Variants in SPATA18 observed in about 807,000 individuals in gnomAD.
SPATA18 encodes the protein mitochondria-eating protein.
Under a neutral mutation model 68.1 loss-of-function variants are expected in SPATA18, and 54 were observed. That is an observed-to-expected ratio of 0.79 (90% confidence interval 0.64 to 0.99). The LOEUF is 0.99. Among genes scored for constraint, SPATA18 ranks in the 50% least tolerant of loss-of-function variants. The probability of loss-of-function intolerance (pLI) is 0.00; values close to 1 mark genes in which losing one functional copy is unlikely to be tolerated. For synonymous variants in SPATA18, 242 were observed against 244.8 expected (o/e 0.99, Z 0.11); for missense variants, 724 against 681.1 (o/e 1.06, Z -0.70).
intron 7 of SPATA18, 150 bp downstream of exon 7, chr4:52,077,190 T>C: frequency 1.2e-6 from 1 of 850,318 alleles, no homozygotes; most frequent in Non-Finnish European, 1.8e-6. Context: ...CTTCCTTCTC[T>C]TTCTTCCTCC....
intron 4 of SPATA18, among the ~76,000 whole-genome samples, chr4:52,063,154 T>TA (rs1195292483): frequency 2.2e-4 from 33 of 152,302 alleles, no homozygotes; most frequent in African/African-American, 7.5e-4. Context: ...AAATCTTTTT[T>TA]TAAAAAAAAT....
intron 4 of SPATA18, among the ~76,000 whole-genome samples, chr4:52,068,192 ATTTAC>A (rs953275166): frequency 8.5e-5 from 13 of 152,096 alleles, no homozygotes; most frequent in African/African-American, 3.1e-4. Flanking sequence ...ATTTTCACAT[ATTTAC>A]TTTTAAGAAC....
intron 7 of SPATA18, 95 bp from the exon 8 acceptor site, chr4:52,078,640 A>G: frequency 8.8e-7 from 1 of 1,135,156 alleles, no homozygotes; most frequent in Non-Finnish European, 1.2e-6. Flanking sequence ...GAAGACCAAT[A>G]TGATGTTGAA....
At position 52,079,824 on chromosome 4, in the gene SPATA18, C is replaced by T; in HGVS notation, c.1260C>T (p.Ile420=). The T allele has an allele frequency of 6.2e-7, 1 of 1,613,996 alleles. No individual in the cohort carries two copies. Among genetic ancestry groups the T allele is most frequent in the Non-Finnish European group, 8.5e-7 (1 of 1,179,926 alleles). Residue 420 remains isoleucine, a synonymous_variant, in exon 9 of 13, where the codon ATC becomes ATT. Coordinates refer to ENST00000295213, the MANE Select transcript of SPATA18 (RefSeq NM_145263.4). ...VVDFCLLSDF[I]QEICCIAFAM... ...ACTTTTGCCTTCTCAGTGACTTCAT[C>T]CAGGAGATATGTTGCATTGCCTTTG...
chr4:52,090,065 G>T (rs1210600557), intron 11 of SPATA18, among the ~76,000 whole-genome samples: 2 of 152,094 alleles, frequency 1.3e-5, no homozygotes, highest in African/African-American at 4.8e-5. Context: ...GATCTTTGTT[G>T]GTTTAAAGTC....
Position 52,069,919 on chromosome 4 carries a change from A to C in SPATA18, c.518+3A>C. 1 of 1,584,406 alleles carries C rather than the reference A, an allele frequency of 6.3e-7. No homozygotes were observed. The highest frequency in any genetic ancestry group is 8.6e-7 in the Non-Finnish European group (1 of 1,162,412). Reference sequence around the variant, plus strand: ...GAAATAAATCAGCTGAAAAAGCAGTAAGAAAAAAATTACAGGATTATTGCA... The same window carrying C: ...GAAATAAATCAGCTGAAAAAGCAGTCAGAAAAAAATTACAGGATTATTGCA... On this transcript the variant is annotated splice_donor_region_variant and intron_variant, in intron 5 of 12. Transcript: ENST00000295213.
intron 1 of SPATA18, among the ~76,000 whole-genome samples, chr4:52,054,407 C>A (rs1478660169): frequency 2.6e-5 from 4 of 152,166 alleles, no homozygotes; most frequent in African/African-American, 9.7e-5. Flanking sequence ...GGGAAGCAGG[C>A]CCCTGCTGAA....
rs1326439654 is a variant in SPATA18, at chr4:52,095,018, A to G, written c.*131A>G. ...AAAAGGCAATTCTGTGTATCACCCC[A>G]CACAGAGAGTTAAATGTTTTGGCTT... On this transcript the variant is annotated 3_prime_UTR_variant, in exon 13 of 13. Transcript: ENST00000295213. The G allele has an allele frequency of 9.4e-7, 1 of 1,059,340 alleles. No homozygotes were observed. The highest frequency in any genetic ancestry group is 1.4e-6 in the Non-Finnish European group (1 of 689,782). 65.6% of individuals were successfully genotyped at this position (1,059,340 alleles called of 1,614,324 possible). A position where few individuals can be genotyped will look rare whatever the true frequency, so the allele number is the denominator to read the frequency against.
intron 6 of SPATA18, among the ~76,000 whole-genome samples, chr4:52,073,589 T>C (rs973737799): frequency 6.6e-6 from 1 of 152,096 alleles, no homozygotes; most frequent in Non-Finnish European, 1.5e-5. Flanking sequence ...CTGAGCAACA[T>C]GGCAAGAACT....
At chr4:52,085,040 T>G in intron 11 of SPATA18, 41 bp downstream of exon 11, 1 of 1,440,568 alleles carries the variant, frequency 6.9e-7, no homozygotes, top group Non-Finnish European at 9.3e-7. Flanking sequence ...AATTCATCTA[T>G]GGTTGGCTTT....
Position 52,051,615 on chromosome 4 carries a change from C to A in SPATA18, c.-90C>A. 8.2e-7 allele frequency: 1 copy of A among 1,220,372 alleles called. No homozygotes were observed. The highest frequency in any genetic ancestry group is 1.2e-6 in the Non-Finnish European group (1 of 824,394). The allele number at this position is 1,220,372 out of a possible 1,614,324, so 75.6% of individuals were successfully genotyped here. Reference sequence around the variant, plus strand: ...GCCCCCCAGAAGAGAACACCCTTCCCGCCATATCACCCCACGGTCCTGCGG... The same window carrying A: ...GCCCCCCAGAAGAGAACACCCTTCCAGCCATATCACCCCACGGTCCTGCGG... On this transcript the variant is annotated 5_prime_UTR_variant, in exon 1 of 13. Coordinates refer to ENST00000295213, the MANE Select transcript of SPATA18 (RefSeq NM_145263.4).
chr4:52,073,374 C>T (rs571989696), intron 6 of SPATA18, among the ~76,000 whole-genome samples: 164 of 152,248 alleles, frequency 1.1e-3, no homozygotes, highest in African/African-American at 3.5e-3. Context: ...TAATTTACTT[C>T]GTACTTGAGG....
At chr4:52,091,191 C>T (rs1380181087) in intron 11 of SPATA18, among the ~76,000 whole-genome samples, 3 of 152,040 alleles carry the variant, frequency 2.0e-5, no homozygotes, top group East Asian at 1.9e-4. Flanking sequence ...ATTCGACTAA[C>T]CTTTTTTCAA....
chr4:52,074,187 G>A (rs1375650139), intron 6 of SPATA18, among the ~76,000 whole-genome samples: 1 of 152,188 alleles, frequency 6.6e-6, no homozygotes, highest in Non-Finnish European at 1.5e-5. Flanking sequence ...AGTGATTTGG[G>A]TGGGAGCTAT....
intron 4 of SPATA18, among the ~76,000 whole-genome samples, chr4:52,062,713 G>C (rs558852455): frequency 1.3e-5 from 2 of 152,274 alleles, no homozygotes; most frequent in South Asian, 4.1e-4. Context: ...GAATAAAAGA[G>C]AGTGAACAAT....
intron 10 of SPATA18, chr4:52,082,857 A>G (rs1296213477): frequency 1.0e-6 from 1 of 985,366 alleles, no homozygotes; most frequent in East Asian, 1.1e-4. Flanking sequence ...CTTAAAATCA[A>G]TTAACTCTCA....
In SPATA18 at chr4:52,076,894, A is replaced by G. The variant is rs1740408218; in HGVS notation, c.874A>G (p.Lys292Glu). 1.2e-6 allele frequency: 2 copies of G among 1,614,144 alleles called. No individual in the cohort carries two copies. The highest frequency in any genetic ancestry group is 2.2e-5 in the East Asian group (1 of 44,860). ...CAGGAGACCGTCCCCAAACCGCTCCAAGCTGTCCAATGTGGCGCGCAAGGC... is the reference window on the plus strand; with the variant it reads ...CAGGAGACCGTCCCCAAACCGCTCCGAGCTGTCCAATGTGGCGCGCAAGGC... ...KVRRPSPNRSKLSNVARKAAL... is the reference protein window; with the variant it reads ...KVRRPSPNRSELSNVARKAAL... The change falls in exon 7 of 13, where the codon AAG becomes GAG. Residue 292 changes from lysine to glutamate, a missense_variant. Coordinates refer to ENST00000295213, the MANE Select transcript of SPATA18 (RefSeq NM_145263.4).
At chr4:52,082,627 T>A (rs748581275) in intron 10 of SPATA18, 117 bp downstream of exon 10, 1 of 1,594,114 alleles carries the variant, frequency 6.3e-7, no homozygotes, top group Non-Finnish European at 8.6e-7. Context: ...TAAGATTTCA[T>A]ACAAAGGAGA....
chr4:52,055,726 G>A (rs2109403727), intron 1 of SPATA18, among the ~76,000 whole-genome samples: 1 of 152,238 alleles, frequency 6.6e-6, no homozygotes, highest in South Asian at 2.1e-4. Context: ...AGGAGTGGGA[G>A]CCCACAAAGC....
Sources: gnomAD v4.1 joint callset for allele counts (sites outside exome capture counted in the v4.1 genomes callset) on GRCh38, gnomAD v4.1.1 for gene constraint, MANE v1.5 for transcripts, NCBI Gene and HGNC (gene_info 2026-07-23, HGNC 2026-07-21) for gene names.